The following DNM3 variants were observed in gnomAD, a reference collection of about 807,000 sequenced individuals.
The protein encoded by DNM3 is dynamin 3.
DNM3 carries 47 observed loss-of-function variants against 101.6 expected under a neutral mutation model. The ratio of observed to expected loss-of-function variants is 0.46; its 90% CI spans 0.37 to 0.59. The LOEUF (loss-of-function observed/expected upper bound fraction) is 0.59, where lower values mean the gene tolerates loss of function less well. Ranked by LOEUF, DNM3 falls within the 20% of genes least tolerant of loss-of-function variation. DNM3 has a pLI of 0.00. For missense variants in DNM3, 849 were observed against 1,085.7 expected (o/e 0.78, Z 3.06); for synonymous variants, 385 against 387.9 (o/e 0.99, Z 0.09).
chr1:172,190,827 T>C lies in DNM3; in HGVS notation c.1659+59539T>C, dbSNP rs567686539. 2.0e-5 allele frequency among the ~76,000 whole-genome samples: 3 copies of C among 152,338 alleles called. No homozygotes were observed. The South Asian group carries it at 6.2e-4, about 32-fold the overall frequency. ...CACAAATGTCTTCTTTTGAGAAGTG[T>C]CTGTTCATATCCTTTGCCCACTTTT... On this transcript the variant is annotated intron_variant, in intron 14 of 20. Transcript: ENST00000627582.
intron 15 of DNM3, among the ~76,000 whole-genome samples, chr1:172,287,951 A>C (rs2063762661): frequency 6.6e-6 from 1 of 151,924 alleles, no homozygotes; most frequent in African/African-American, 2.4e-5. Flanking sequence ...AGCCTCCCAA[A>C]GTGATAGGAT....
downstream of DNM3, among the ~76,000 whole-genome samples, chr1:172,416,088 A>C (rs1033066304): frequency 2.0e-5 from 3 of 152,214 alleles, no homozygotes; most frequent in East Asian, 5.8e-4. Context: ...AATGCTTAAG[A>C]AAATATAACC....
intron 1 of DNM3, among the ~76,000 whole-genome samples, chr1:171,918,017 A>G (rs2039858602): frequency 6.6e-6 from 1 of 152,212 alleles, no homozygotes; most frequent in African/African-American, 2.4e-5. Flanking sequence ...CTGTTGCTGA[A>G]GGCAGGCATA....
Position 172,412,206 on chromosome 1 carries a change from G to A in DNM3, c.*4365G>A. ...AGGTTTCACATATGGCTCAACTCAA[G>A]TCATTAATCTCTTTTTAATTTTTAC... is the stretch of plus-strand genomic sequence containing the variant. On this transcript the variant is annotated 3_prime_UTR_variant, in exon 21 of 21. Coordinates refer to ENST00000627582, the MANE Select transcript of DNM3 (RefSeq NM_015569.5). 1.0e-6 allele frequency: 1 copy of A among 985,540 alleles called. No individual in the cohort carries two copies. Among genetic ancestry groups the A allele is most frequent in the Non-Finnish European group, 1.2e-6 (1 of 829,806 alleles). 61.0% of individuals were successfully genotyped at this position (985,540 alleles called of 1,614,324 possible). A position where few individuals can be genotyped will look rare whatever the true frequency, so the allele number is the denominator to read the frequency against.
At chr1:171,850,913 G>C (rs545592732) in intron 1 of DNM3, among the ~76,000 whole-genome samples, 3 of 152,276 alleles carry the variant, frequency 2.0e-5, no homozygotes, top group Non-Finnish European at 1.5e-5. Flanking sequence ...CATACGAAGA[G>C]AAAAGACTGG....
chr1:171,843,745 A>G (rs1639970469), intron 1 of DNM3, among the ~76,000 whole-genome samples: 1 of 152,172 alleles, frequency 6.6e-6, no homozygotes, highest in Non-Finnish European at 1.5e-5. Flanking sequence ...AATTGTACAC[A>G]TCTCCCCACA....
chr1:172,161,238 G>A (rs530806202), intron 14 of DNM3, among the ~76,000 whole-genome samples: 7 of 150,480 alleles, frequency 4.7e-5, no homozygotes, highest in Non-Finnish European at 1.0e-4. Context: ...CAGATACAAA[G>A]TGGTGCTTGC....
intron 14 of DNM3, among the ~76,000 whole-genome samples, chr1:172,216,341 C>T (rs2060698100): frequency 6.6e-6 from 1 of 152,098 alleles, no homozygotes; most frequent in South Asian, 2.1e-4. Context: ...GTGACTTTAT[C>T]TGAGGCATGG....
chr1:172,201,958 A>G (rs147891119), intron 14 of DNM3, among the ~76,000 whole-genome samples: 26 of 152,270 alleles, frequency 1.7e-4, no homozygotes, highest in African/African-American at 5.1e-4. Context: ...GGGTATCACC[A>G]GTGAAGGTGC....
chr1:172,012,746 G>A (rs954868908), intron 4 of DNM3, among the ~76,000 whole-genome samples: 3 of 151,970 alleles, frequency 2.0e-5, no homozygotes, highest in African/African-American at 7.2e-5. Context: ...TGCCAGCGGA[G>A]TGACAGTAAT....
chr1:172,247,842 A>C (rs564345860), intron 14 of DNM3, among the ~76,000 whole-genome samples: 1 of 151,414 alleles, frequency 6.6e-6, no homozygotes, highest in South Asian at 2.1e-4. Flanking sequence ...CCACCACCAC[A>C]CCCAGCTAAT....
downstream of DNM3, among the ~76,000 whole-genome samples, chr1:172,416,622 G>A (rs966574565): frequency 5.3e-5 from 8 of 152,096 alleles, no homozygotes; most frequent in South Asian, 2.1e-4. Flanking sequence ...ACAGAATGTC[G>A]CTTCAGCACT....
intron 17 of DNM3, among the ~76,000 whole-genome samples, chr1:172,330,720 A>G (rs1372009893): frequency 6.6e-6 from 1 of 152,142 alleles, no homozygotes; most frequent in African/African-American, 2.4e-5. Flanking sequence ...AGATACTTAA[A>G]TAGAGGATGG....
At chr1:172,332,268 T>C (rs1161845621) in intron 17 of DNM3, among the ~76,000 whole-genome samples, 1 of 152,206 alleles carries the variant, frequency 6.6e-6, no homozygotes, top group Non-Finnish European at 1.5e-5. Context: ...TCAAGCTGCA[T>C]ATTCATCTGA....
intron 15 of DNM3, among the ~76,000 whole-genome samples, chr1:172,291,903 G>A (rs1264796746): frequency 6.6e-6 from 1 of 152,138 alleles, no homozygotes; most frequent in Non-Finnish European, 1.5e-5. Context: ...TGTAAAACAG[G>A]AAGAAATATG....
At chr1:171,939,721 A>C (rs1424569814) in intron 2 of DNM3, among the ~76,000 whole-genome samples, 1 of 152,178 alleles carries the variant, frequency 6.6e-6, no homozygotes, top group African/African-American at 2.4e-5. Context: ...AAGAAGTATA[A>C]TTTTTTTAAA....
At chr1:172,216,680 T>A (rs2060711376) in intron 14 of DNM3, among the ~76,000 whole-genome samples, 1 of 152,110 alleles carries the variant, frequency 6.6e-6, no homozygotes, top group Non-Finnish European at 1.5e-5. Flanking sequence ...TTCTTTTTAC[T>A]TCTGTGATTG....
intron 4 of DNM3, among the ~76,000 whole-genome samples, chr1:171,993,996 C>T (rs1421512918): frequency 6.6e-6 from 1 of 151,912 alleles, no homozygotes; most frequent in Non-Finnish European, 1.5e-5. Context: ...ACATTATTCT[C>T]ATACATTCTT....
intron 14 of DNM3, among the ~76,000 whole-genome samples, chr1:172,146,887 C>T (rs1264108382): frequency 6.6e-6 from 1 of 152,122 alleles, no homozygotes; most frequent in Non-Finnish European, 1.5e-5. Flanking sequence ...TTAGTCTGTA[C>T]ATCTATATGC....
Sources: allele counts gnomAD v4.1 joint callset (sites outside exome capture counted in the v4.1 genomes callset), GRCh38; gene constraint gnomAD v4.1.1; transcripts MANE v1.5; gene names NCBI Gene and HGNC (gene_info 2026-07-23, HGNC 2026-07-21).